Variants in TARS3 observed in about 807,000 individuals in gnomAD.
TARS3 encodes the protein threonine--tRNA ligase 2, cytoplasmic.
In TARS3, 94 loss-of-function variants were observed where a neutral mutation model predicts 103.5. That is an observed-to-expected ratio of 0.91 (90% CI 0.77 to 1.08). The LOEUF (loss-of-function observed/expected upper bound fraction) is 1.08, where lower values mean the gene tolerates loss of function less well. TARS3 is among the 50% of genes least tolerant of loss of function. The pLI is 0.00. For synonymous variants in TARS3, 416 were observed against 355.4 expected (o/e 1.17, Z -1.92); for missense variants, 952 against 995.2 (o/e 0.96, Z 0.58).
chr15:101,675,625 A>G lies in TARS3; in HGVS notation c.1763T>C (p.Ile588Thr), dbSNP rs1567330637. The G allele has an allele frequency of 1.2e-5, 19 of 1,613,744 alleles. No individual in the cohort carries two copies. Among genetic ancestry groups the G allele is most frequent in the Non-Finnish European group, 1.4e-5 (17 of 1,179,878 alleles). Reference protein sequence around the residue: ...STRPENFLGEIEMWNEAEKQL... With the variant: ...STRPENFLGETEMWNEAEKQL... ...CTTCTCAGCCTCATTCCACATCTCA[A>G]TCTCTCCTAGGAAGTTTTCCGGCCT... The change falls in exon 13 of 19, where the codon ATT becomes ACT. Residue 588 changes from isoleucine to threonine, a missense_variant. Physicochemically the swap from Ile to Thr is moderately conservative, Grantham distance 89 (BLOSUM62 -1). Around this residue, in one of 2 missense-constraint regions of TARS3, gnomAD observed 540 missense variants for 631.0 expected, o/e 0.86. Coordinates refer to ENST00000335968, the MANE Select transcript of TARS3 (RefSeq NM_152334.3).
At chr15:101,689,291 T>C (rs1898606609) in intron 10 of TARS3, among the ~76,000 whole-genome samples, 1 of 152,158 alleles carries the variant, frequency 6.6e-6, no homozygotes. Flanking sequence ...GTGGGAGCCC[T>C]GAAACCCCAC....
chr15:101,657,884 T>C (rs1897245695), intron 16 of TARS3, 27 bp from the exon 17 acceptor site: 2 of 1,420,104 alleles, frequency 1.4e-6, no homozygotes, highest in Non-Finnish European at 1.9e-6. Flanking sequence ...AAATATGTAT[T>C]TTCAAAGTGT....
At chr15:101,712,805 A>G (rs1438609493) in intron 4 of TARS3, among the ~76,000 whole-genome samples, 1 of 152,276 alleles carries the variant, frequency 6.6e-6, no homozygotes, top group East Asian at 1.9e-4. Flanking sequence ...TTAAATAGAA[A>G]GCAAGTTACA....
Position 101,724,380 on chromosome 15 carries a change from G to A in TARS3, c.8C>T (p.Ala3Val), listed in dbSNP as rs762934701. The change falls in exon 1 of 19, where the codon GCC becomes GTC. Residue 3 changes from alanine to valine, a missense_variant. By Grantham distance (64) the Ala-to-Val change is moderately conservative. Around this residue, in one of 2 missense-constraint regions of TARS3, gnomAD observed 412 missense variants for 364.2 expected, o/e 1.13. Coordinates refer to ENST00000335968, the MANE Select transcript of TARS3 (RefSeq NM_152334.3). ...CACGGCCTCCGCCGCCAGGGCCTCGGCCGCCATCGCGGCCTCCCTCAGGCA... is the reference window on the plus strand; with the variant it reads ...CACGGCCTCCGCCGCCAGGGCCTCGACCGCCATCGCGGCCTCCCTCAGGCA... MA[A>V]EALAAEAVAS... The A allele has an allele frequency of 1.3e-6, 2 of 1,503,088 alleles. No individual in the cohort carries two copies. The allele number at this position is 1,503,088 out of a possible 1,614,324, so 93.1% of individuals were successfully genotyped here.
At chr15:101,663,471 A>G (rs1041478703) in intron 15 of TARS3, among the ~76,000 whole-genome samples, 4 of 152,218 alleles carry the variant, frequency 2.6e-5, no homozygotes, top group Admixed American at 2.6e-4. Context: ...TGTTCACACA[A>G]CAATGATATT....
At chr15:101,716,776 T>C (rs535644749) in intron 3 of TARS3, among the ~76,000 whole-genome samples, 1 of 152,248 alleles carries the variant, frequency 6.6e-6, no homozygotes, top group East Asian at 1.9e-4. Context: ...ATTTTCCTAC[T>C]AGCAGAGTTA....
rs1484794310 is a variant in TARS3 at position 101,679,805 on chromosome 15, C to A, written c.1651-4068G>T. On this transcript the variant is annotated intron_variant, in intron 12 of 18. Coordinates refer to ENST00000335968, the MANE Select transcript of TARS3 (RefSeq NM_152334.3). ...CCAGCAGAGGGAGGACAGTACTGGACAGTTACTGGCAAGTGGGAAAAGCAG... is the reference window on the plus strand; with the variant it reads ...CCAGCAGAGGGAGGACAGTACTGGAAAGTTACTGGCAAGTGGGAAAAGCAG... Among the ~76,000 whole-genome samples, 2 of 152,142 alleles carry A rather than the reference C, an allele frequency of 1.3e-5. 1 individual carries two copies. The highest frequency in any genetic ancestry group is 4.8e-5 in the African/African-American group (2 of 41,422).
At chr15:101,672,228 T>C (rs1192113) in intron 13 of TARS3, among the ~76,000 whole-genome samples, 108,360 of 151,992 alleles carry the variant, frequency 0.71, 39,457 homozygotes, top group African/African-American at 0.77. Context: ...TGCACGTGTC[T>C]GGGAGGGTCA....
rs1173917946 is a variant in TARS3, at chr15:101,654,432, C to G, written c.*150G>C. On this transcript the variant is annotated 3_prime_UTR_variant, in exon 19 of 19. Transcript: ENST00000335968. ...TGAGTAAATTAAACTTCGTGCATGT[C>G]AGCTACACGTTCATCGTCTCCTTTC... is the stretch of plus-strand genomic sequence containing the variant. 1 of 794,060 alleles carries G rather than the reference C, an allele frequency of 1.3e-6. No homozygotes were observed. Among genetic ancestry groups the G allele is most frequent in the African/African-American group, 1.8e-5 (1 of 56,324 alleles). The allele number at this position is 794,060 out of a possible 1,614,324, so 49.2% of individuals were successfully genotyped here.
rs761208366 is a variant in TARS3, at chr15:101,721,241, T to G, written c.451A>C (p.Ile151Leu). 1 of 1,614,102 alleles carries G rather than the reference T, an allele frequency of 6.2e-7. No homozygotes were observed. The highest frequency in any genetic ancestry group is 8.5e-7 in the Non-Finnish European group (1 of 1,179,956). The change falls in exon 3 of 19, where the codon ATT (isoleucine) becomes CTT (leucine). Residue 151 changes from isoleucine to leucine, a missense_variant. By Grantham distance (5) the Ile-to-Leu change is conservative. This residue lies in a region of TARS3 where 412 missense variants were observed against 364.2 expected (regional missense o/e 1.13). Transcript: ENST00000335968. ...LKKDHQLLLA[I>L]YGKKGDTSNI... ...CTTGTATCCCCCTTTTTTCCATAAA[T>G]GGCAAGTAAGAGCTGATGGTCTTTC...
At chr15:101,702,128 AG>A in intron 9 of TARS3, 110 bp downstream of exon 9, 1 of 1,333,008 alleles carries the variant, frequency 7.5e-7, no homozygotes, top group Non-Finnish European at 1.0e-6. Context: ...CCAGCAAAAT[AG>A]GAGAGAAGAA....
chr15:101,716,243 A>C (rs1900153056), intron 3 of TARS3, among the ~76,000 whole-genome samples: 1 of 152,186 alleles, frequency 6.6e-6, no homozygotes, highest in Non-Finnish European at 1.5e-5. Context: ...TCTTCTAGTG[A>C]GGTGTTGATC....
At chr15:101,702,415 TA>T in intron 8 of TARS3, 30 bp from the exon 9 acceptor site, 1 of 1,583,976 alleles carries the variant, frequency 6.3e-7, no homozygotes, top group Non-Finnish European at 8.7e-7. Flanking sequence ...TTGGTAAATA[TA>T]TCATACATTC....
rs1474187485 is a variant in TARS3 at position 101,657,821 on chromosome 15, G to A, written c.2109C>T (p.Ile703=). 2 of 1,609,806 alleles carry A rather than the reference G, an allele frequency of 1.2e-6. No individual in the cohort carries two copies. Among genetic ancestry groups the A allele is most frequent in the Admixed American group, 1.7e-5 (1 of 59,662 alleles). Reference sequence around the variant, plus strand: ...ATTTTTCACAAGTTGGCCCCACAGGGATGACCATCACCTGACGAGGAGATA... The same window carrying A: ...ATTTTTCACAAGTTGGCCCCACAGGAATGACCATCACCTGACGAGGAGATA... ...FWLSPRQVMV[I]PVGPTCEKYA... is the part of the protein sequence containing the mutation. The change falls in exon 17 of 19, where the codon ATC becomes ATT. Residue 703 remains isoleucine, a synonymous_variant. Coordinates refer to ENST00000335968, the MANE Select transcript of TARS3 (RefSeq NM_152334.3).
chr15:101,693,266 G>A (rs1898808650), intron 10 of TARS3, among the ~76,000 whole-genome samples: 1 of 152,126 alleles, frequency 6.6e-6, no homozygotes. Flanking sequence ...ATGGCTGGTG[G>A]GGGGGCCTCA....
At chr15:101,704,525 G>T (rs62027619) in intron 7 of TARS3, among the ~76,000 whole-genome samples, 29,663 of 151,632 alleles carry the variant, frequency 0.2, 3,127 homozygotes, top group Non-Finnish European at 0.24. Context: ...CGTGGTGGTG[G>T]GCGCCTGTAA....
At chr15:101,654,827 C>T (rs1897138168) in intron 18 of TARS3, 97 bp from the exon 19 acceptor site, 3 of 1,197,546 alleles carry the variant, frequency 2.5e-6, no homozygotes, top group Non-Finnish European at 3.5e-6. Flanking sequence ...AGTTTTTCTT[C>T]ACTAATATTA....
intron 17 of TARS3, 23 bp downstream of exon 17, chr15:101,657,761 TA>T: frequency 6.5e-7 from 1 of 1,530,146 alleles, no homozygotes; most frequent in East Asian, 2.3e-5. Context: ...GATTATTATG[TA>T]CTTTAAACAC....
At chr15:101,670,268 A>G (rs1267071140) in intron 15 of TARS3, among the ~76,000 whole-genome samples, 2 of 152,246 alleles carry the variant, frequency 1.3e-5, no homozygotes, top group Admixed American at 6.5e-5. Context: ...CAAATCATAT[A>G]TTCCTCCAAG....
Sources: allele counts gnomAD v4.1 joint callset (sites outside exome capture counted in the v4.1 genomes callset), GRCh38; gene constraint gnomAD v4.1.1; regional missense constraint gnomAD v4.1.1; transcripts MANE v1.5; gene names NCBI Gene and HGNC (gene_info 2026-07-23, HGNC 2026-07-21).